The following ACSL1 variants were observed in gnomAD, a reference collection of about 807,000 sequenced individuals.
ACSL1 encodes the protein acyl-CoA synthetase long chain family member 1.
In ACSL1, 41 loss-of-function variants were observed where a neutral mutation model predicts 98.4. The ratio of observed to expected loss-of-function variants is 0.42; its 90% CI spans 0.32 to 0.54. The LOEUF (loss-of-function observed/expected upper bound fraction) is 0.54. Among genes scored for constraint, ACSL1 ranks in the 20% least tolerant of loss-of-function variants. The pLI is 0.13. For missense variants in ACSL1, 734 were observed against 883.1 expected, an observed-to-expected ratio of 0.83 and a Z score of 2.14; for synonymous variants, 316 against 322.7, an observed-to-expected ratio of 0.98 and a Z score of 0.22.
chr4:184,786,827 G>C (rs1767458227), intron 3 of ACSL1, among the ~76,000 whole-genome samples: 1 of 151,942 alleles, frequency 6.6e-6, no homozygotes, highest in Non-Finnish European at 1.5e-5. Context: ...CTGAGTAGCG[G>C]GGGTTACAGA....
chr4:184,816,005 C>T (rs1048149844), intron 1 of ACSL1, among the ~76,000 whole-genome samples: 23 of 152,074 alleles, frequency 1.5e-4, no homozygotes, highest in Admixed American at 1.2e-3. Context: ...CCTGTAGTCC[C>T]GGCTACTCGG....
intron 18 of ACSL1, 138 bp downstream of exon 18, chr4:184,760,219 G>C (rs1185820962): frequency 1.0e-6 from 1 of 992,584 alleles, no homozygotes; most frequent in Non-Finnish European, 1.5e-6. Context: ...ATCAGTAACA[G>C]GTCAATGATA....
At chr4:184,758,050 A>T in intron 18 of ACSL1, 130 bp from the exon 19 acceptor site, 1 of 812,700 alleles carries the variant, frequency 1.2e-6, no homozygotes, top group Non-Finnish European at 1.9e-6. Flanking sequence ...TTCAGAACAT[A>T]CTACCCCCCT....
At chr4:184,762,612 C>T in intron 16 of ACSL1, 89 bp from the exon 17 acceptor site, 3 of 1,160,008 alleles carry the variant, frequency 2.6e-6, no homozygotes, top group Admixed American at 3.5e-5. Context: ...TGTGTGTCTG[C>T]CCCAACCTTT....
At chr4:184,769,829 T>C (rs1764218337) in intron 11 of ACSL1, among the ~76,000 whole-genome samples, 1 of 152,206 alleles carries the variant, frequency 6.6e-6, no homozygotes, top group Non-Finnish European at 1.5e-5. Flanking sequence ...AGGTGGTTCT[T>C]GGTCAGTTTT....
chr4:184,809,206 T>C (rs1233063616), intron 1 of ACSL1, among the ~76,000 whole-genome samples: 2 of 152,178 alleles, frequency 1.3e-5, no homozygotes, highest in Admixed American at 6.5e-5. Context: ...CTTCTACACT[T>C]AAACCACTCC....
chr4:184,792,637 C>A (rs886392603), intron 2 of ACSL1, among the ~76,000 whole-genome samples: 21 of 152,156 alleles, frequency 1.4e-4, no homozygotes, highest in Non-Finnish European at 1.5e-5. Context: ...CAAGGTCTCA[C>A]TATGTTGCCC....
chr4:184,781,701 C>T (rs1309314196), intron 4 of ACSL1, among the ~76,000 whole-genome samples: 1 of 151,996 alleles, frequency 6.6e-6, no homozygotes, highest in Non-Finnish European at 1.5e-5. Flanking sequence ...TTCCTCCTCA[C>T]GGGTTCAAGA....
intron 14 of ACSL1, 137 bp downstream of exon 14, chr4:184,765,754 G>C: frequency 1.5e-6 from 1 of 671,890 alleles, no homozygotes; most frequent in East Asian, 2.9e-5. Flanking sequence ...ACATCATGTT[G>C]TTACGCCATA....
intron 15 of ACSL1, among the ~76,000 whole-genome samples, chr4:184,764,248 A>G (rs1290436940): frequency 6.6e-6 from 1 of 152,210 alleles, no homozygotes; most frequent in Non-Finnish European, 1.5e-5. Context: ...GCAACAATCT[A>G]TAATTTCCTC....
Position 184,773,843 on chromosome 4 carries a change from C to T in ACSL1, c.789G>A (p.Lys263=), listed in dbSNP as rs1189861850. ...GCAGGGTCTGACACGGTGTGCTTAC[C>T]TTGGGCTTCCGTCTGTTGGCTCTTC... The part of the protein sequence containing the change: ...DLGRANRRKP[K]PPAPEDLAVI... Residue 263 remains lysine (K), a splice_region_variant and synonymous_variant, in exon 8 of 21, where the codon AAG becomes AAA. Coordinates refer to ENST00000281455, the MANE Select transcript of ACSL1 (RefSeq NM_001995.5). The surrounding 1 kb of genome is among the most constrained non-coding windows in gnomAD (Gnocchi z 4.3). The T allele has an allele frequency of 6.2e-7, 1 of 1,613,854 alleles. No individual in the cohort carries two copies. The highest frequency in any genetic ancestry group is 8.5e-7 in the Non-Finnish European group (1 of 1,179,860).
intron 11 of ACSL1, 52 bp downstream of exon 11, chr4:184,770,347 A>T: frequency 6.2e-7 from 1 of 1,603,330 alleles, no homozygotes; most frequent in Non-Finnish European, 8.5e-7. Flanking sequence ...AAAACACAAC[A>T]ACTTAGCAGA....
intron 1 of ACSL1, chr4:184,815,120 A>C (rs1435120042): frequency 2.2e-6 from 1 of 456,050 alleles, no homozygotes; most frequent in Non-Finnish European, 4.4e-6. Flanking sequence ...GTGCTCCAGG[A>C]ATCTAGGGGA....
rs1389662988 is a variant in ACSL1, at chr4:184,756,513, C to T, written c.*612G>A. On this transcript the variant is annotated 3_prime_UTR_variant, in exon 21 of 21. Transcript: ENST00000281455. ...GATCTGCCCTCCCGCTTACTGGAAA[C>T]CTTATGCTCCAACAGAAACCACAGG... 6.6e-6 allele frequency: 1 copy of T among 152,610 alleles called. No individual in the cohort carries two copies. The highest frequency in any genetic ancestry group is 1.5e-5 in the Non-Finnish European group (1 of 68,054). The allele number at this position is 152,610 out of a possible 1,614,324, so 9.5% of individuals were successfully genotyped here.
chr4:184,768,351 C>T lies in ACSL1; in HGVS notation c.1093G>A (p.Val365Met), dbSNP rs774970320. 1.7e-5 allele frequency: 27 copies of T among 1,613,066 alleles called. No individual in the cohort carries two copies. The highest frequency in any genetic ancestry group is 6.7e-5 in the Admixed American group (4 of 59,600). The change falls in exon 12 of 21, where the codon GTG becomes ATG. Residue 365 changes from valine (V) to methionine (M), a missense_variant. By Grantham distance (21) the Val-to-Met change is conservative. Coordinates refer to ENST00000281455, the MANE Select transcript of ACSL1 (RefSeq NM_001995.5). ...ATCCGGTTCAGCAGTCTTGGAACCA[C>T]GGGGAAGACAGTGGGTTGAAGCACC... ...LKVLQPTVFP[V>M]VPRLLNRMFD... is the part of the protein sequence containing the mutation.
chr4:184,804,576 G>A (rs1335551193), intron 1 of ACSL1, among the ~76,000 whole-genome samples: 1 of 146,640 alleles, frequency 6.8e-6, no homozygotes. Context: ...GTGAGACCCC[G>A]TCTCAAAAAA....
intron 1 of ACSL1, among the ~76,000 whole-genome samples, chr4:184,807,340 C>T (rs1157462761): frequency 1.9e-4 from 29 of 152,192 alleles, no homozygotes; most frequent in Admixed American, 1.7e-3. Context: ...ATTCAATTGG[C>T]TTAAAGGCTT....
chr4:184,795,136 T>C (rs565413792), intron 2 of ACSL1, among the ~76,000 whole-genome samples: 24 of 152,344 alleles, frequency 1.6e-4, no homozygotes, highest in African/African-American at 5.3e-4. Context: ...ACCATTTGAA[T>C]ATACAAGGCA....
chr4:184,756,919 C>A lies in ACSL1; in HGVS notation c.*206G>T. ...GCTCATTTTGGAAAGTGTGTATTAC[C>A]ATAAACATGGTCTGCAACATGAGGT... On this transcript the variant is annotated 3_prime_UTR_variant, in exon 21 of 21. Transcript: ENST00000281455. 1.9e-6 allele frequency: 1 copy of A among 532,152 alleles called. No homozygotes were observed. The highest frequency in any genetic ancestry group is 3.2e-5 in the Admixed American group (1 of 30,812). 33.0% of individuals were successfully genotyped at this position (532,152 alleles called of 1,614,324 possible). A position where few individuals can be genotyped will look rare whatever the true frequency, so the allele number is the denominator to read the frequency against.
Sources: gnomAD v4.1 joint callset for allele counts (sites outside exome capture counted in the v4.1 genomes callset) on GRCh38, gnomAD v4.1.1 for gene constraint, Gnocchi (gnomAD v3.1) non-coding constraint, MANE v1.5 for transcripts, NCBI Gene and HGNC (gene_info 2026-07-23, HGNC 2026-07-21) for gene names.